PRKCH: variants seen among roughly 807,000 people sequenced by gnomAD.
PRKCH encodes the protein protein kinase C eta.
In PRKCH, 28 loss-of-function variants were observed where a neutral mutation model predicts 82.5. The ratio of observed to expected loss-of-function variants is 0.34; its 90% CI spans 0.25 to 0.47. PRKCH has a LOEUF of 0.47. Ranked by LOEUF, PRKCH falls within the 20% of genes least tolerant of loss-of-function variation. The pLI is 1.00. For synonymous variants in PRKCH, 322 were observed against 327.4 expected (o/e 0.98, Z 0.18); for missense variants, 705 against 881.8 (o/e 0.80, Z 2.54).
At chr14:61,488,645 G>A (rs1176598192) in intron 10 of PRKCH, among the ~76,000 whole-genome samples, 1 of 152,156 alleles carries the variant, frequency 6.6e-6, no homozygotes, top group Non-Finnish European at 1.5e-5. Flanking sequence ...AGGTAGAGTG[G>A]GCAAAAGCAA....
At chr14:61,398,865 A>C (rs1339100027) in intron 2 of PRKCH, among the ~76,000 whole-genome samples, 2 of 152,232 alleles carry the variant, frequency 1.3e-5, no homozygotes, top group African/African-American at 4.8e-5. Context: ...CATATTAATC[A>C]TTTGCAATAT....
intron 2 of PRKCH, among the ~76,000 whole-genome samples, chr14:61,426,934 C>T (rs1883136551): frequency 1.3e-5 from 2 of 152,160 alleles, no homozygotes; most frequent in Admixed American, 6.5e-5. Flanking sequence ...AGGCAGTTGT[C>T]GACAAAGAGT....
intron 4 of PRKCH, among the ~76,000 whole-genome samples, chr14:61,447,910 C>A (rs1884302808): frequency 6.6e-6 from 1 of 152,014 alleles, no homozygotes; most frequent in Admixed American, 6.6e-5. Context: ...AAATTTAAGC[C>A]TCAAGCGAGC....
In PRKCH at chr14:61,257,647, A is replaced by ACACACG. The variant is rs1555371878; in HGVS notation, c.-19+69982_-19+69983insACGCAC. Reference sequence around the variant, plus strand: ...CACACACACCCCCACACACACACACACACGCATACACACACATTCATGGAG... The same window carrying ACACACG: ...CACACACACCCCCACACACACACACACACACGCACGCATACACACACATTCATGGAG... On this transcript the variant is annotated intron_variant, in intron 1 of 3. Coordinates refer to the PRKCH transcript ENST00000555185. 3.1e-4 allele frequency among the ~76,000 whole-genome samples: 47 copies of ACACACG among 151,034 alleles called. 1 individual carries two copies. Among genetic ancestry groups the ACACACG allele is most frequent in the South Asian group, 6.3e-4 (3 of 4,748 alleles).
intron 2 of PRKCH, among the ~76,000 whole-genome samples, chr14:61,423,734 G>C (rs1280011803): frequency 6.6e-6 from 1 of 152,154 alleles, no homozygotes; most frequent in Non-Finnish European, 1.5e-5. Context: ...TTAAATGATA[G>C]GTGGGGCTAT....
Position 61,280,309 on chromosome 14 carries a change from C to G in PRKCH, c.-19+92641C>G, listed in dbSNP as rs2140092007. On this transcript the variant is annotated intron_variant, in intron 1 of 3. Transcript: ENST00000555185. This position sits in a 1 kb window ranked among gnomAD's most constrained non-coding sequence, Gnocchi z 5.0. ...GGTGATGTTGACGCGGTAGGCGCCC[C>G]GCGGCAGCCCGGCCGAGTAGTTGCC... The G allele has an allele frequency of 1.2e-6, 2 of 1,613,884 alleles. No homozygotes were observed. The highest frequency in any genetic ancestry group is 1.3e-5 in the African/African-American group (1 of 75,068).
chr14:61,504,808 A>G (rs1887067631), intron 10 of PRKCH, among the ~76,000 whole-genome samples: 1 of 152,150 alleles, frequency 6.6e-6, no homozygotes, highest in Non-Finnish European at 1.5e-5. Context: ...TGTCCTTTAT[A>G]TGAGATGTTA....
chr14:61,443,018 G>C, intron 2 of PRKCH, 93 bp from the exon 3 acceptor site: 1 of 1,227,748 alleles, frequency 8.1e-7, no homozygotes, highest in Non-Finnish European at 1.1e-6. Context: ...AATAATTTGA[G>C]GAGTGAGCAC....
intron 2 of PRKCH, among the ~76,000 whole-genome samples, chr14:61,422,466 C>G (rs1396541853): frequency 2.0e-5 from 3 of 151,582 alleles, no homozygotes; most frequent in Non-Finnish European, 4.4e-5. Flanking sequence ...TATCCTGTTC[C>G]CCTCATTCTC....
chr14:61,322,036 A>G lies in PRKCH; in HGVS notation c.-66A>G. The G allele has an allele frequency of 1.4e-6, 2 of 1,462,956 alleles. No homozygotes were observed. Among genetic ancestry groups the G allele is most frequent in the African/African-American group, 1.4e-5 (1 of 70,068 alleles). 90.6% of individuals were successfully genotyped at this position (1,462,956 alleles called of 1,614,324 possible). A position where few individuals can be genotyped will look rare whatever the true frequency, so the allele number is the denominator to read the frequency against. On this transcript the variant is annotated 5_prime_UTR_variant, in exon 1 of 14. Transcript: ENST00000332981. ...CACCTGTCCCGAGGGCTGGCCTGAG[A>G]CGGGACTCCCGGTTCTCCCGCTGCG...
chr14:61,288,310 G>T (rs2045332809), intron 1 of PRKCH, among the ~76,000 whole-genome samples: 1 of 152,058 alleles, frequency 6.6e-6, no homozygotes, highest in Admixed American at 6.5e-5. Context: ...GCCCAGGCTG[G>T]TCTTGAACTC....
At chr14:61,387,489 T>G (rs1388165949) in intron 1 of PRKCH, among the ~76,000 whole-genome samples, 1 of 152,166 alleles carries the variant, frequency 6.6e-6, no homozygotes, top group South Asian at 2.1e-4. Flanking sequence ...CTAAGGTAAA[T>G]GAGTGGAAAT....
At position 61,404,128 on chromosome 14, in the gene PRKCH, T is replaced by G. The variant is rs1035923675; in HGVS notation, c.427+12840T>G. Among the ~76,000 whole-genome samples, 11 of 152,208 alleles carry G rather than the reference T, an allele frequency of 7.2e-5. No individual in the cohort carries two copies. The South Asian group carries it at 1.4e-3, about 20-fold the overall frequency. On this transcript the variant is annotated intron_variant, in intron 2 of 13. Coordinates refer to ENST00000332981, the MANE Select transcript of PRKCH (RefSeq NM_006255.5). ...ACAGGTAGTAGGTAGGAAGACCTGC[T>G]TCTTCCCTTCTACCGTGAAACTCGT...
chr14:61,289,751 C>T (rs2045344728), intron 1 of PRKCH, among the ~76,000 whole-genome samples: 2 of 152,082 alleles, frequency 1.3e-5, no homozygotes, highest in South Asian at 4.2e-4. Context: ...AATAGAACAA[C>T]ATGCAAAAAA....
intron 2 of PRKCH, among the ~76,000 whole-genome samples, chr14:61,411,499 C>T (rs1380931759): frequency 6.6e-6 from 1 of 152,000 alleles, no homozygotes; most frequent in Admixed American, 6.5e-5. Context: ...AAAATATGGA[C>T]AAAATAAATG....
intron 7 of PRKCH, among the ~76,000 whole-genome samples, chr14:61,454,093 TTTTTTTC>T (rs982809307): frequency 6.6e-5 from 10 of 152,020 alleles, no homozygotes; most frequent in East Asian, 1.9e-4. Context: ...TCTTTCCTTT[TTTTTTTC>T]TTTTTTCTTT....
intron 1 of PRKCH, among the ~76,000 whole-genome samples, chr14:61,357,836 GTTGCTT>G (rs2046171823): frequency 6.6e-6 from 1 of 152,038 alleles, no homozygotes; most frequent in Non-Finnish European, 1.5e-5. Context: ...TTCTGGGAGT[GTTGCTT>G]TTCTCTCCTC....
Position 61,280,833 on chromosome 14 carries a change from C to T in PRKCH, c.-19+93165C>T. ...GCTCGTAGTAGAGGTACACTGGGCC[C>T]TGGAAGAGCTCGGGCAGCGAGAAGT... is the stretch of plus-strand genomic sequence containing the variant. On this transcript the variant is annotated intron_variant, in intron 1 of 3. Coordinates refer to the PRKCH transcript ENST00000555185. The surrounding 1 kb of genome is among the most constrained non-coding windows in gnomAD (Gnocchi z 5.0). The T allele has an allele frequency of 6.4e-7, 1 of 1,565,812 alleles. No homozygotes were observed. Among genetic ancestry groups the T allele is most frequent in the Non-Finnish European group, 8.6e-7 (1 of 1,164,322 alleles).
chr14:61,225,956 G>A (rs1293872227), intron 1 of PRKCH, among the ~76,000 whole-genome samples: 1 of 152,098 alleles, frequency 6.6e-6, no homozygotes, highest in African/African-American at 2.4e-5. Flanking sequence ...CCCAGGCTGG[G>A]AAGACATAAA....
Sources: allele counts gnomAD v4.1 joint callset (sites outside exome capture counted in the v4.1 genomes callset), GRCh38; gene constraint gnomAD v4.1.1; non-coding constraint Gnocchi (gnomAD v3.1); transcripts MANE v1.5; gene names NCBI Gene and HGNC (gene_info 2026-07-23, HGNC 2026-07-21).